The following PRKCH variants were observed in gnomAD, a reference collection of about 807,000 sequenced individuals.
The protein encoded by PRKCH is protein kinase C eta type.
PRKCH carries 28 observed loss-of-function variants against 82.5 expected under a neutral mutation model. The observed-to-expected ratio is 0.34, with a 90% CI of 0.25 to 0.47. The LOEUF is 0.47. Among genes scored for constraint, PRKCH ranks in the 20% least tolerant of loss-of-function variants. PRKCH has a pLI of 1.00. For missense variants in PRKCH, 705 were observed against 881.8 expected, an observed-to-expected ratio of 0.80 and a Z score of 2.54; for synonymous variants, 322 against 327.4, an observed-to-expected ratio of 0.98 and a Z score of 0.18.
intron 1 of PRKCH, among the ~76,000 whole-genome samples, chr14:61,206,236 A>T (rs2044522687): frequency 6.6e-6 from 1 of 152,226 alleles, no homozygotes; most frequent in Non-Finnish European, 1.5e-5. Context: ...CAGTTCTAGA[A>T]GCCAGAAGTC....
intron 9 of PRKCH, among the ~76,000 whole-genome samples, chr14:61,462,221 G>A (rs945118668): frequency 3.3e-5 from 5 of 152,060 alleles, no homozygotes; most frequent in East Asian, 3.9e-4. Flanking sequence ...GTGAAACCCC[G>A]TCTACTAAAA....
At chr14:61,199,975 A>G (rs6573367) in intron 1 of PRKCH, among the ~76,000 whole-genome samples, 48,326 of 152,040 alleles carry the variant, frequency 0.32, 7,999 homozygotes, top group Admixed American at 0.41. Flanking sequence ...GAACAGAAAT[A>G]TTCCTTCCTC....
chr14:61,441,080 G>C (rs1883946655), intron 2 of PRKCH, among the ~76,000 whole-genome samples: 1 of 93,956 alleles, frequency 1.1e-5, no homozygotes, highest in Admixed American at 1.2e-4. Flanking sequence ...AATTTTTTTT[G>C]GTAGAGAAGG....
chr14:61,405,107 A>G (rs1053138071), intron 2 of PRKCH, among the ~76,000 whole-genome samples: 1 of 152,220 alleles, frequency 6.6e-6, no homozygotes, highest in African/African-American at 2.4e-5. Flanking sequence ...TGCGGAAACC[A>G]TTCCAAATTC....
chr14:61,368,264 A>G (rs547579904), intron 1 of PRKCH, among the ~76,000 whole-genome samples: 1 of 150,434 alleles, frequency 6.6e-6, no homozygotes, highest in South Asian at 2.1e-4. Flanking sequence ...CTCACAGTCT[A>G]CCCTTCACCT....
chr14:61,466,268 A>G (rs541861012), intron 9 of PRKCH, among the ~76,000 whole-genome samples: 1 of 152,352 alleles, frequency 6.6e-6, no homozygotes, highest in East Asian at 1.9e-4. Flanking sequence ...TTATTAAGTC[A>G]GGGACCAGAC....
At chr14:61,397,747 A>T (rs1386669245) in intron 2 of PRKCH, among the ~76,000 whole-genome samples, 1 of 152,226 alleles carries the variant, frequency 6.6e-6, no homozygotes, top group African/African-American at 2.4e-5. Flanking sequence ...GAAAGAACAG[A>T]ACACAAAAGG....
intron 1 of PRKCH, among the ~76,000 whole-genome samples, chr14:61,194,932 C>A (rs1237804808): frequency 2.0e-5 from 3 of 152,138 alleles, no homozygotes; most frequent in African/African-American, 7.2e-5. Flanking sequence ...CAGGGTTTCA[C>A]CATGTCGGCC....
chr14:61,299,745 T>C (rs566301994), intron 1 of PRKCH: 6 of 152,328 alleles, frequency 3.9e-5, no homozygotes, highest in Admixed American at 3.9e-4. Context: ...CATGAGACCT[T>C]TTTTTGAGAC....
At chr14:61,289,473 AAGGCAAAAGG>A (rs2045342346) in intron 1 of PRKCH, among the ~76,000 whole-genome samples, 3 of 152,210 alleles carry the variant, frequency 2.0e-5, no homozygotes, top group Non-Finnish European at 4.4e-5. Context: ...TTGGGAGGCC[AAGGCAAAAGG>A]ATTGCTTGAG....
rs180881547 is a variant in PRKCH, at chr14:61,539,817, G to T, written c.1762-7926G>T. 2.4e-3 allele frequency among the ~76,000 whole-genome samples: 370 copies of T among 152,302 alleles called. 4 individuals carry two copies. The East Asian group carries it at 0.032, about 13-fold the overall frequency. On this transcript the variant is annotated intron_variant, in intron 12 of 13. Coordinates refer to ENST00000332981, the MANE Select transcript of PRKCH (RefSeq NM_006255.5). ...CACTGGTGTGGCCACCCACCCACCT[G>T]ACGCCGGACAGGCCAGTCCGGCTCT...
At chr14:61,216,459 G>A (rs1485303518) in intron 1 of PRKCH, among the ~76,000 whole-genome samples, 3 of 151,186 alleles carry the variant, frequency 2.0e-5, no homozygotes, top group Admixed American at 6.6e-5. Flanking sequence ...GATAGAGCAA[G>A]ACTCTGTCTC....
In PRKCH at chr14:61,210,107, AACAAATATATATATATATATATATAT is replaced by A. The variant is rs1158235087; in HGVS notation, c.-19+22441_-19+22466del. On this transcript the variant is annotated intron_variant, in intron 1 of 3. Transcript: ENST00000555185. The stretch of plus-strand genomic sequence containing the variant: ...AAACAAAAAACAAAACAAACAAACA[AACAAATATATATATATATATATATAT>A]ATATATATATATATATATATATATA... Among the ~76,000 whole-genome samples, 25 of 107,794 alleles carry A rather than the reference AACAAATATATATATATATATATATAT, an allele frequency of 2.3e-4. No individual in the cohort carries two copies. The South Asian group carries it at 5.8e-3, about 25-fold the overall frequency. 70.7% of individuals were successfully genotyped at this position (107,794 alleles called of 152,430 possible). A position where few individuals can be genotyped will look rare whatever the true frequency, so the allele number is the denominator to read the frequency against.
At chr14:61,189,486 A>G (rs2140078801) in intron 1 of PRKCH, among the ~76,000 whole-genome samples, 1 of 150,952 alleles carries the variant, frequency 6.6e-6, no homozygotes, top group African/African-American at 2.4e-5. Flanking sequence ...TTGCTAACAG[A>G]CTGCACTGAA....
At chr14:61,341,489 T>G (rs991889353) in intron 1 of PRKCH, among the ~76,000 whole-genome samples, 5 of 152,212 alleles carry the variant, frequency 3.3e-5, no homozygotes, top group Admixed American at 2.0e-4. Flanking sequence ...CAGCATTCAC[T>G]GAGCACCTGC....
intron 2 of PRKCH, among the ~76,000 whole-genome samples, chr14:61,434,387 G>T (rs529775532): frequency 6.6e-6 from 1 of 152,032 alleles, no homozygotes; most frequent in South Asian, 2.1e-4. Context: ...GTGATGATCC[G>T]CTGAGGAATG....
chr14:61,422,352 A>G (rs1338469555), intron 2 of PRKCH, among the ~76,000 whole-genome samples: 1 of 152,196 alleles, frequency 6.6e-6, no homozygotes, highest in Non-Finnish European at 1.5e-5. Context: ...GGCCTTACAA[A>G]GTGCTGGGAT....
chr14:61,398,500 G>T (rs1356686171), intron 2 of PRKCH, among the ~76,000 whole-genome samples: 1 of 152,208 alleles, frequency 6.6e-6, no homozygotes, highest in African/African-American at 2.4e-5. Flanking sequence ...AACATAGTTT[G>T]CAGTAAATGA....
rs189726917 is a variant in PRKCH at position 61,243,192 on chromosome 14, C to T, written c.-19+55524C>T. ...GGTGAATCACTTGAGGTCTGGATTT[C>T]GAGACCAGCTTGGCCAATATAGCAA... is the stretch of plus-strand genomic sequence containing the variant. On this transcript the variant is annotated intron_variant, in intron 1 of 3. Coordinates refer to the PRKCH transcript ENST00000555185. Among the ~76,000 whole-genome samples the T allele has an allele frequency of 2.6e-4, 40 of 151,806 alleles. No individual in the cohort carries two copies. In the East Asian group the frequency reaches 6.2e-3, roughly 24 times the overall value.
Sources: allele counts gnomAD v4.1 joint callset (sites outside exome capture counted in the v4.1 genomes callset), GRCh38; gene constraint gnomAD v4.1.1; transcripts MANE v1.5; gene names NCBI Gene and HGNC (gene_info 2026-07-23, HGNC 2026-07-21).